Variants in MDFIC2 observed in about 807,000 individuals in gnomAD.
The protein encoded by MDFIC2 is myoD family inhibitor domain-containing protein 2.
chr3:70,224,612 A>G (rs964807414), intron 2 of MDFIC2, among the ~76,000 whole-genome samples: 11 of 152,292 alleles, frequency 7.2e-5, no homozygotes, highest in African/African-American at 2.4e-4. Flanking sequence ...TGGCTTCTCA[A>G]GTGCCAGAGG....
At chr3:70,257,217 T>C (rs1447676479) in intron 2 of MDFIC2, among the ~76,000 whole-genome samples, 2 of 152,226 alleles carry the variant, frequency 1.3e-5, no homozygotes, top group Non-Finnish European at 2.9e-5. Flanking sequence ...ACAGGTTTCT[T>C]TGGCAAACCC....
At chr3:70,228,097 T>C (rs1701525918) in intron 2 of MDFIC2, among the ~76,000 whole-genome samples, 3 of 151,936 alleles carry the variant, frequency 2.0e-5, no homozygotes, top group African/African-American at 7.2e-5. Flanking sequence ...ACTGTTAAAA[T>C]AACATGTACT....
chr3:70,285,035 T>C, intron 2 of MDFIC2, among the ~76,000 whole-genome samples: 1 of 150,892 alleles, frequency 6.6e-6, no homozygotes, highest in East Asian at 1.9e-4. Flanking sequence ...TTTTATTTTT[T>C]ACTTATTTTT....
intron 2 of MDFIC2, among the ~76,000 whole-genome samples, chr3:70,243,498 C>T (rs1318963642): frequency 2.0e-5 from 3 of 152,060 alleles, no homozygotes; most frequent in Non-Finnish European, 2.9e-5. Flanking sequence ...ATGTAGTTTT[C>T]GTTTTTTGGC....
At chr3:70,281,227 A>T (rs1349821622) in intron 2 of MDFIC2, among the ~76,000 whole-genome samples, 1 of 152,138 alleles carries the variant, frequency 6.6e-6, no homozygotes, top group Non-Finnish European at 1.5e-5. Flanking sequence ...ACATCTGATC[A>T]TGTTCCTCTT....
intron 2 of MDFIC2, among the ~76,000 whole-genome samples, chr3:70,278,749 T>C (rs998134021): frequency 1.3e-5 from 2 of 152,288 alleles, no homozygotes; most frequent in South Asian, 4.1e-4. Context: ...GTTGGTGCTC[T>C]ATTTCTACCA....
chr3:70,261,199 T>G (rs1701862878), intron 2 of MDFIC2, among the ~76,000 whole-genome samples: 2 of 152,218 alleles, frequency 1.3e-5, no homozygotes, highest in South Asian at 4.1e-4. Flanking sequence ...CAAAGACATT[T>G]GGTGGTCAAA....
At chr3:70,293,870 C>G (rs1702265064) in intron 2 of MDFIC2, among the ~76,000 whole-genome samples, 1 of 151,828 alleles carries the variant, frequency 6.6e-6, no homozygotes, top group Admixed American at 6.6e-5. Flanking sequence ...GTTTCATCAC[C>G]TTGTTTATTT....
intron 2 of MDFIC2, among the ~76,000 whole-genome samples, chr3:70,287,376 A>G (rs1575616111): frequency 6.6e-6 from 1 of 150,902 alleles, no homozygotes; most frequent in South Asian, 2.1e-4. Flanking sequence ...ATTTGCATAT[A>G]TTGAACCAGC....
At chr3:70,241,238 T>C (rs1701665542) in intron 2 of MDFIC2, among the ~76,000 whole-genome samples, 1 of 152,174 alleles carries the variant, frequency 6.6e-6, no homozygotes, top group Non-Finnish European at 1.5e-5. Context: ...AACTCCACTC[T>C]TTAGAGGTGT....
At chr3:70,305,461 CA>C (rs1702391536) in intron 2 of MDFIC2, among the ~76,000 whole-genome samples, 1 of 152,022 alleles carries the variant, frequency 6.6e-6, no homozygotes, top group South Asian at 2.1e-4. Context: ...AAATGAGATA[CA>C]AAAAATATCC....
At chr3:70,269,309 T>C (rs1479609656) in intron 2 of MDFIC2, among the ~76,000 whole-genome samples, 1 of 152,196 alleles carries the variant, frequency 6.6e-6, no homozygotes, top group African/African-American at 2.4e-5. Flanking sequence ...GCTCATTATA[T>C]ATTTCACATT....
chr3:70,288,733 C>G (rs1038394977), intron 2 of MDFIC2, among the ~76,000 whole-genome samples: 1 of 151,818 alleles, frequency 6.6e-6, no homozygotes, highest in African/African-American at 2.4e-5. Context: ...CTTTATGAAT[C>G]TAGGTGCTCC....
chr3:70,310,287 G>T (rs1439268376), intron 2 of MDFIC2, among the ~76,000 whole-genome samples: 1 of 151,910 alleles, frequency 6.6e-6, no homozygotes, highest in East Asian at 1.9e-4. Flanking sequence ...TATTAAAATT[G>T]CTTGGTGGGG....
intron 2 of MDFIC2, among the ~76,000 whole-genome samples, chr3:70,217,452 C>T (rs1701426165): frequency 6.6e-6 from 1 of 152,088 alleles, no homozygotes; most frequent in African/African-American, 2.4e-5. Context: ...AGAAAGATTG[C>T]GTCCATATAG....
At chr3:70,271,358 C>T (rs1451178856) in intron 2 of MDFIC2, among the ~76,000 whole-genome samples, 2 of 152,146 alleles carry the variant, frequency 1.3e-5, no homozygotes, top group African/African-American at 4.8e-5. Flanking sequence ...TACTCACCTC[C>T]ATTGGTGAGC....
At chr3:70,223,917 C>T (rs867569500) in intron 2 of MDFIC2, among the ~76,000 whole-genome samples, 6 of 152,054 alleles carry the variant, frequency 3.9e-5, no homozygotes, top group Admixed American at 1.3e-4. Flanking sequence ...AACTTTTGTA[C>T]TCTCCTCTCC....
rs995095713 is a variant in MDFIC2 at position 70,289,910 on chromosome 3, T to G, written c.88+21976A>C. On this transcript the variant is annotated intron_variant, in intron 2 of 3. Transcript: ENST00000567252. ...TCTCGAGCCTTGGTTTTCAGCTCCA[T>G]CAGCTCCTTTAAGCACTTCTCTCTA... Among the ~76,000 whole-genome samples the G allele has an allele frequency of 8.9e-4, 136 of 152,124 alleles. 2 individuals carry two copies. Among genetic ancestry groups the G allele is most frequent in the Admixed American group, 3.9e-4 (6 of 15,272 alleles).
At chr3:70,288,996 G>A (rs983303847) in intron 2 of MDFIC2, among the ~76,000 whole-genome samples, 6 of 152,224 alleles carry the variant, frequency 3.9e-5, no homozygotes. Flanking sequence ...ACACTGATGG[G>A]TCTTAAATCT....
Sources: allele counts gnomAD v4.1 joint callset (sites outside exome capture counted in the v4.1 genomes callset), GRCh38; gene constraint gnomAD v4.1.1; transcripts MANE v1.5; gene names NCBI Gene and HGNC (gene_info 2026-07-23, HGNC 2026-07-21).